Variants in C16orf95 observed in about 807,000 individuals in gnomAD.
C16orf95 encodes chromosome 16 open reading frame 95, also known as uncharacterized protein C16orf95.
In C16orf95, 41 loss-of-function variants were observed where a neutral mutation model predicts 32.1. The ratio of observed to expected loss-of-function variants is 1.28; its 90% CI spans 1.00 to 1.66. The LOEUF is 1.66. Ranked by LOEUF, C16orf95 falls within the 40% of genes most tolerant of loss-of-function variation. C16orf95 has a pLI of 0.00. For missense variants in C16orf95, 399 were observed against 325.9 expected (o/e 1.22, Z -1.73); for synonymous variants, 147 against 128.9 (o/e 1.14, Z -0.95).
chr16:87,310,235 G>A, intron 5 of C16orf95, 62 bp downstream of exon 5: 1 of 1,488,452 alleles, frequency 6.7e-7, no homozygotes, highest in Non-Finnish European at 9.1e-7. Context: ...CCATCATGAT[G>A]CTCACGAACC....
intron 3 of C16orf95, among the ~76,000 whole-genome samples, chr16:87,312,995 C>G (rs1366842472): frequency 6.6e-6 from 1 of 151,960 alleles, no homozygotes; most frequent in Admixed American, 6.6e-5. Flanking sequence ...ATAAGAGCTA[C>G]AAAATATTTA....
chr16:87,313,160 C>T (rs35470553), intron 3 of C16orf95, among the ~76,000 whole-genome samples: 82,388 of 149,146 alleles, frequency 0.55, 23,019 homozygotes, highest in Non-Finnish European at 0.6. Flanking sequence ...TTTGTAGAAA[C>T]TGACAAACTG....
In C16orf95 at chr16:87,303,485, G is replaced by A. The variant is rs1483287813; in HGVS notation, c.702-410C>T. 5 of 183,600 alleles carry A rather than the reference G, an allele frequency of 2.7e-5. No individual in the cohort carries two copies. The East Asian group carries it at 3.9e-4, about 14-fold the overall frequency. The allele number at this position is 183,600 out of a possible 1,614,324, so 11.4% of individuals were successfully genotyped here. A position where few individuals can be genotyped will look rare whatever the true frequency, so the allele number is the denominator to read the frequency against. ...TCTCCAGGCCGGCAGACGGGCCGCC[G>A]AGGCTTCTCCTGAGATAAGCTGGGT... is the stretch of plus-strand genomic sequence containing the variant. On this transcript the variant is annotated intron_variant, in intron 6 of 6. Transcript: ENST00000567970.
Position 87,303,084 on chromosome 16 carries a change from C to G in C16orf95, c.702-9G>C, listed in dbSNP as rs1910837681. 6 of 1,536,092 alleles carry G rather than the reference C, an allele frequency of 3.9e-6. No individual in the cohort carries two copies. The highest frequency in any genetic ancestry group is 5.2e-6 in the Non-Finnish European group (6 of 1,146,902). On this transcript the variant is annotated splice_polypyrimidine_tract_variant and intron_variant, in intron 6 of 6. Coordinates refer to ENST00000567970, the MANE Select transcript of C16orf95 (RefSeq NM_001195124.3). ...AAACCCCAAAACACTGGCTGGAAAG[C>G]AAAGAGAGACAGTTACTAGGACCCG...
rs1338594057 is a variant in C16orf95 at position 87,302,952 on chromosome 16, G to C, written c.*105C>G. On this transcript the variant is annotated 3_prime_UTR_variant, in exon 7 of 7. Transcript: ENST00000567970. Reference sequence around the variant, plus strand: ...ATCCTGGGTGTGGATTCTGTTCTGAGAAGACAGCGACTGTCACAGACGCCT... The same window carrying C: ...ATCCTGGGTGTGGATTCTGTTCTGACAAGACAGCGACTGTCACAGACGCCT... 3 of 1,189,674 alleles carry C rather than the reference G, an allele frequency of 2.5e-6. No individual in the cohort carries two copies. Among genetic ancestry groups the C allele is most frequent in the South Asian group, 2.6e-5 (2 of 76,902 alleles). 73.7% of individuals were successfully genotyped at this position (1,189,674 alleles called of 1,614,324 possible).
At chr16:87,308,979 T>C (rs1392034086) in intron 5 of C16orf95, among the ~76,000 whole-genome samples, 3 of 152,342 alleles carry the variant, frequency 2.0e-5, no homozygotes, top group African/African-American at 7.2e-5. Flanking sequence ...ATGTTTTTTC[T>C]CACAAACTGA....
At position 87,313,939 on chromosome 16, in the gene C16orf95, A is replaced by G. The variant is rs184921500; in HGVS notation, c.330+1032T>C. Among the ~76,000 whole-genome samples the G allele has an allele frequency of 4.6e-5, 7 of 152,340 alleles. No individual in the cohort carries two copies. The East Asian group carries it at 9.6e-4, about 21-fold the overall frequency. On this transcript the variant is annotated intron_variant, in intron 3 of 6. Coordinates refer to ENST00000567970, the MANE Select transcript of C16orf95 (RefSeq NM_001195124.3). ...AAAAGCACATGAAGAGATCCTTGAC[A>G]TCACCAATTATCACGGGTATACAAA...
At chr16:87,310,377 C>T (rs1353368531) in intron 4 of C16orf95, 44 bp from the exon 5 acceptor site, 15 of 1,533,104 alleles carry the variant, frequency 9.8e-6, no homozygotes, top group Admixed American at 2.0e-5. Context: ...TGGCGACCCT[C>T]CAAGGGGGAA....
At chr16:87,308,319 A>C (rs1911117614) in intron 5 of C16orf95, among the ~76,000 whole-genome samples, 1 of 151,934 alleles carries the variant, frequency 6.6e-6, no homozygotes, top group South Asian at 2.1e-4. Flanking sequence ...CATCTCTACT[A>C]AAAATACAAA....
At position 87,303,039 on chromosome 16, in the gene C16orf95, T is replaced by C. The variant is rs1309207894; in HGVS notation, c.*18A>G. On this transcript the variant is annotated 3_prime_UTR_variant, in exon 7 of 7. Transcript: ENST00000567970. ...ACATTTTTGTGGCTGTTCTTGACAG[T>C]AGCTGAAGATTCCAACTTCAAACCC... 1.3e-6 allele frequency: 2 copies of C among 1,535,898 alleles called. No homozygotes were observed. Among genetic ancestry groups the C allele is most frequent in the African/African-American group, 2.7e-5 (2 of 73,040 alleles).
rs1325082992 is a variant in C16orf95 at position 87,305,951 on chromosome 16, ACT to A, written c.515-48_515-47del. 2.2e-6 allele frequency: 3 copies of A among 1,345,446 alleles called. No homozygotes were observed. The highest frequency in any genetic ancestry group is 3.1e-5 in the African/African-American group (2 of 64,728). The allele number at this position is 1,345,446 out of a possible 1,614,324, so 83.3% of individuals were successfully genotyped here. ...TTGAGGACAGGGCGTGTTCTCCGGG[ACT>A]CTGTGAGCCACGAGGAGGCTGCAAC... is the stretch of plus-strand genomic sequence containing the variant. On this transcript the variant is annotated intron_variant, in intron 5 of 6. Transcript: ENST00000567970. The surrounding 1 kb of genome is among the most constrained non-coding windows in gnomAD (Gnocchi z 4.2).
At chr16:87,307,446 T>G (rs868845133) in intron 5 of C16orf95, among the ~76,000 whole-genome samples, 5 of 144,676 alleles carry the variant, frequency 3.5e-5, no homozygotes, top group African/African-American at 1.3e-4. Flanking sequence ...TGCAAAAAGT[T>G]TGTAGAAAAT....
At chr16:87,306,014 A>T (rs960457115) in intron 5 of C16orf95, 109 bp from the exon 6 acceptor site, 7 of 857,370 alleles carry the variant, frequency 8.2e-6, no homozygotes, top group Non-Finnish European at 1.1e-5. Flanking sequence ...GGGGACTTCC[A>T]GGACCCAGCC....
chr16:87,317,145 G>A lies in C16orf95; in HGVS notation c.98C>T (p.Ala33Val), dbSNP rs1242633699. The A allele has an allele frequency of 2.0e-6, 3 of 1,534,202 alleles. No homozygotes were observed. Among genetic ancestry groups the A allele is most frequent in the Non-Finnish European group, 2.6e-6 (3 of 1,145,830 alleles). ...ASGAAAGGPG[A>V]GCVGLCRLAL... is the part of the protein sequence containing the mutation. ...CAACCTGCAGAGCCCGACGCACCCCGCGCCCGGCCCCCCGGCAGCAGCGCC... is the reference window on the plus strand; with the variant it reads ...CAACCTGCAGAGCCCGACGCACCCCACGCCCGGCCCCCCGGCAGCAGCGCC... The change falls in exon 1 of 7, where the codon GCG becomes GTG. Residue 33 changes from alanine (A) to valine (V), a missense_variant. By Grantham distance (64) the Ala-to-Val change is moderately conservative (BLOSUM62 0). Coordinates refer to ENST00000567970, the MANE Select transcript of C16orf95 (RefSeq NM_001195124.3).
Position 87,317,377 on chromosome 16 carries a change from A to G in C16orf95, c.-135T>C. 1 of 1,403,324 alleles carries G rather than the reference A, an allele frequency of 7.1e-7. No individual in the cohort carries two copies. Among genetic ancestry groups the G allele is most frequent in the Non-Finnish European group, 9.2e-7 (1 of 1,082,976 alleles). The allele number at this position is 1,403,324 out of a possible 1,614,324, so 86.9% of individuals were successfully genotyped here. A position where few individuals can be genotyped will look rare whatever the true frequency, so the allele number is the denominator to read the frequency against. On this transcript the variant is annotated 5_prime_UTR_variant, in exon 1 of 7. Transcript: ENST00000567970. ...ACCCCAGCCCCAACCTCAACCGCTC[A>G]GAGGAGCCCAACAACGCCCGCGCGC...
chr16:87,311,381 A>G (rs1911279981), intron 3 of C16orf95, 85 bp from the exon 4 acceptor site: 2 of 1,372,812 alleles, frequency 1.5e-6, no homozygotes, highest in Non-Finnish European at 1.9e-6. Context: ...GCCATCCCCC[A>G]GAAGATCCCC....
intron 4 of C16orf95, 53 bp downstream of exon 4, chr16:87,311,097 C>A: frequency 7.1e-7 from 1 of 1,409,082 alleles, no homozygotes; most frequent in Non-Finnish European, 9.3e-7. Context: ...TCCCCTTCCC[C>A]CGGCCCCCAC....
At chr16:87,304,464 T>G (rs1910920936) in intron 6 of C16orf95, among the ~76,000 whole-genome samples, 1 of 151,834 alleles carries the variant, frequency 6.6e-6, no homozygotes, top group Admixed American at 6.6e-5. Context: ...TACAAAGGAG[T>G]CAAACTAAAT....
intron 1 of C16orf95, among the ~76,000 whole-genome samples, chr16:87,316,726 G>C (rs891034377): frequency 6.6e-6 from 1 of 151,618 alleles, no homozygotes; most frequent in Non-Finnish European, 1.5e-5. Context: ...GGAAAGCTGG[G>C]AAAAAAAAGA....
Sources: gnomAD v4.1 joint callset for allele counts (sites outside exome capture counted in the v4.1 genomes callset) on GRCh38, gnomAD v4.1.1 for gene constraint, Gnocchi (gnomAD v3.1) non-coding constraint, MANE v1.5 for transcripts, NCBI Gene and HGNC (gene_info 2026-07-23, HGNC 2026-07-21) for gene names.